The following GRIK1 variants were observed in gnomAD, a reference collection of about 807,000 sequenced individuals.
GRIK1 encodes the protein glutamate ionotropic receptor kainate type subunit 1, also known as glutamate receptor ionotropic, kainate 1.
Under a neutral mutation model 105.7 loss-of-function variants are expected in GRIK1, and 69 were observed. The ratio of observed to expected loss-of-function variants is 0.65; its 90% CI spans 0.54 to 0.80. The LOEUF is 0.80. GRIK1 is among the 30% of genes least tolerant of loss of function. The pLI is 0.00. For synonymous variants in GRIK1, 438 were observed against 431.3 expected, an observed-to-expected ratio of 1.02 and a Z score of -0.19; for missense variants, 1,109 against 1,167.3, an observed-to-expected ratio of 0.95 and a Z score of 0.73.
chr21:29,764,233 T>C (rs1460516515), intron 1 of GRIK1, among the ~76,000 whole-genome samples: 6 of 152,138 alleles, frequency 3.9e-5, no homozygotes, highest in Admixed American at 3.3e-4. Flanking sequence ...GACAGAAGCA[T>C]GGGAGGTGAA....
At chr21:29,818,116 GGGAAAACCCTATGT>G (rs959832676) in intron 1 of GRIK1, among the ~76,000 whole-genome samples, 2 of 152,028 alleles carry the variant, frequency 1.3e-5, no homozygotes, top group Non-Finnish European at 2.9e-5. Context: ...TGGAAATTTA[GGGAAAACCCTATGT>G]TGACTTTAAA....
intron 1 of GRIK1, among the ~76,000 whole-genome samples, chr21:29,754,516 G>A (rs187875344): frequency 1.1e-3 from 164 of 152,202 alleles, no homozygotes; most frequent in African/African-American, 3.8e-3. Flanking sequence ...CCTCACTTAC[G>A]AAATGAGGAG....
At chr21:29,560,108 C>T (rs187490233) in intron 15 of GRIK1, among the ~76,000 whole-genome samples, 199 of 152,242 alleles carry the variant, frequency 1.3e-3, no homozygotes, top group African/African-American at 4.6e-3. Context: ...GCAAATCAAA[C>T]CTACCTGGGG....
At chr21:29,855,477 T>C (rs1357306587) in intron 1 of GRIK1, among the ~76,000 whole-genome samples, 1 of 152,172 alleles carries the variant, frequency 6.6e-6, no homozygotes, top group Admixed American at 6.5e-5. Flanking sequence ...AGGCAGCATA[T>C]AACTTGACAT....
intron 1 of GRIK1, among the ~76,000 whole-genome samples, chr21:29,883,031 A>G (rs1202802948): frequency 6.6e-6 from 1 of 152,112 alleles, no homozygotes; most frequent in African/African-American, 2.4e-5. Context: ...AGGCTTTAAC[A>G]TAGTTCTGTG....
chr21:29,868,908 G>A (rs2068918736), intron 1 of GRIK1, among the ~76,000 whole-genome samples: 1 of 152,114 alleles, frequency 6.6e-6, no homozygotes, highest in Non-Finnish European at 1.5e-5. Flanking sequence ...AAAAAACAGA[G>A]GTTTGTTGTT....
rs1193894881 is a variant in GRIK1, at chr21:29,660,842, T to A, written c.727-5979A>T. ...TGAATAACTTCCAAATGTGTGAACATGCAATGTGGCTAAAATAATGGTTTT... is the reference window on the plus strand; with the variant it reads ...TGAATAACTTCCAAATGTGTGAACAAGCAATGTGGCTAAAATAATGGTTTT... On this transcript the variant is annotated intron_variant, in intron 4 of 17. Coordinates refer to ENST00000327783, the MANE Select transcript of GRIK1 (RefSeq NM_001330994.2). Among the ~76,000 whole-genome samples, 7 of 152,336 alleles carry A rather than the reference T, an allele frequency of 4.6e-5. No homozygotes were observed. The East Asian group carries it at 1.3e-3, about 29-fold the overall frequency.
chr21:29,926,092 G>C (rs2071360452), intron 1 of GRIK1, among the ~76,000 whole-genome samples: 1 of 102,246 alleles, frequency 9.8e-6, no homozygotes, highest in African/African-American at 3.8e-5. Context: ...GAAATACCTA[G>C]ATCATAAAAA....
chr21:29,631,154 T>C (rs1405337722), intron 7 of GRIK1, among the ~76,000 whole-genome samples: 1 of 152,174 alleles, frequency 6.6e-6, no homozygotes, highest in Non-Finnish European at 1.5e-5. Context: ...ATTATGCTGG[T>C]AAAGCTAAAA....
At chr21:29,616,661 A>G (rs570152839) in intron 7 of GRIK1, among the ~76,000 whole-genome samples, 1 of 152,338 alleles carries the variant, frequency 6.6e-6, no homozygotes, top group African/African-American at 2.4e-5. Flanking sequence ...AGTGAGGAAA[A>G]GAGTCAAATA....
At chr21:29,825,942 G>C (rs1232614866) in intron 1 of GRIK1, among the ~76,000 whole-genome samples, 1 of 152,006 alleles carries the variant, frequency 6.6e-6, no homozygotes, top group African/African-American at 2.4e-5. Context: ...TGTTTAAAAG[G>C]AATTTCTGCT....
chr21:29,591,294 T>C, intron 9 of GRIK1, 69 bp from the exon 10 acceptor site: 1 of 902,900 alleles, frequency 1.1e-6, no homozygotes, highest in Non-Finnish European at 1.9e-6. Context: ...GAGAGGCCCC[T>C]TCTCTACCAG....
At chr21:29,872,274 A>T (rs1165196696) in intron 1 of GRIK1, among the ~76,000 whole-genome samples, 1 of 150,144 alleles carries the variant, frequency 6.7e-6, no homozygotes, top group Non-Finnish European at 1.5e-5. Context: ...GCTCACTGCA[A>T]GCTCCGCTTC....
chr21:29,889,725 T>C (rs895326746), intron 1 of GRIK1, among the ~76,000 whole-genome samples: 6 of 152,120 alleles, frequency 3.9e-5, no homozygotes, highest in African/African-American at 9.6e-5. Context: ...TGCTATCTCC[T>C]CTTCTTCAGT....
intron 1 of GRIK1, among the ~76,000 whole-genome samples, chr21:29,710,151 C>A (rs980157648): frequency 6.6e-6 from 1 of 151,658 alleles, no homozygotes; most frequent in African/African-American, 2.4e-5. Context: ...GTTCAATTTG[C>A]CCTTCTAATA....
At chr21:29,628,936 T>C (rs982946642) in intron 7 of GRIK1, among the ~76,000 whole-genome samples, 4 of 152,206 alleles carry the variant, frequency 2.6e-5, no homozygotes, top group African/African-American at 9.6e-5. Flanking sequence ...TGTCTTGCTC[T>C]AGTTAGTCTG....
At chr21:29,654,903 T>C (rs1237143583) in intron 4 of GRIK1, 40 bp from the exon 5 acceptor site, 1 of 1,185,954 alleles carries the variant, frequency 8.4e-7, no homozygotes, top group South Asian at 1.2e-5. Context: ...AGGAACAGAA[T>C]TATAATAAGA....
rs909313757 is a variant in GRIK1, at chr21:29,689,933, G to A, written c.339C>T (p.Ser113=). 3.1e-6 allele frequency: 5 copies of A among 1,613,510 alleles called. No homozygotes were observed. The highest frequency in any genetic ancestry group is 4.2e-6 in the Non-Finnish European group (5 of 1,179,568). ...TAGACTGCACAGCACTGACGGAGGA[G>A]CTATGGGAAGGGCCAAAGAGAGCAG... ...GVAALFGPSH[S]SSVSAVQSIC... is the part of the protein sequence containing the mutation. The change falls in exon 3 of 18, where the codon AGC becomes AGT. Residue 113 remains serine (S), a synonymous_variant. Transcript: ENST00000327783.
At chr21:29,560,538 TTC>T (rs1187419815) in intron 15 of GRIK1, among the ~76,000 whole-genome samples, 2 of 106,018 alleles carry the variant, frequency 1.9e-5, no homozygotes, top group Non-Finnish European at 3.6e-5. Flanking sequence ...CTTTCTTTCT[TTC>T]TTTCTTTCTT....
Sources: allele counts gnomAD v4.1 joint callset (sites outside exome capture counted in the v4.1 genomes callset), GRCh38; gene constraint gnomAD v4.1.1; transcripts MANE v1.5; gene names NCBI Gene and HGNC (gene_info 2026-07-23, HGNC 2026-07-21).